Variants in MED16 observed in about 807,000 individuals in gnomAD.
MED16 encodes the protein mediator complex subunit 16.
A neutral mutation model predicts 84.4 loss-of-function variants in MED16; 81 were observed. The observed-to-expected ratio is 0.96, with a 90% CI of 0.80 to 1.15. The LOEUF (loss-of-function observed/expected upper bound fraction) is 1.15, where lower values mean the gene tolerates loss of function less well. Ranked by LOEUF, MED16 falls within the 50% of genes most tolerant of loss-of-function variation. The pLI is 0.00. For synonymous variants in MED16, 897 were observed against 552.2 expected (o/e 1.62, Z -8.76); for missense variants, 1,585 against 1,245.9 (o/e 1.27, Z -4.10).
intron 8 of MED16, 35 bp from the exon 9 acceptor site, chr19:877,215 G>GATGGGGCTGCGCCCTCAGCCGGGAGAGGA (rs2036269494): frequency 1.3e-6 from 2 of 1,577,650 alleles, no homozygotes; most frequent in Non-Finnish European, 1.7e-6. Context: ...AGCCCGGTGA[G>GATGGGGCTGCGCCCTCAGCCGGGAGAGGA]ATGGGGCTGC....
In MED16 at chr19:874,743, C is replaced by T. The variant is rs141295603; in HGVS notation, c.1771+501G>A. Among the ~76,000 whole-genome samples, 706 of 152,092 alleles carry T rather than the reference C, an allele frequency of 4.6e-3. 8 individuals are homozygous for T. The highest frequency in any genetic ancestry group is 0.015 in the African/African-American group (606 of 41,476). On this transcript the variant is annotated intron_variant, in intron 10 of 15. Transcript: ENST00000325464. Reference sequence around the variant, plus strand: ...AAATTAAAAACCGGGTGTGGTGGCACGTGTCTGTAATCCCAGCTACTCCAG... The same window carrying T: ...AAATTAAAAACCGGGTGTGGTGGCATGTGTCTGTAATCCCAGCTACTCCAG...
intron 13 of MED16, 114 bp downstream of exon 13, chr19:870,922 CG>C: frequency 2.1e-6 from 2 of 948,884 alleles, no homozygotes; most frequent in Non-Finnish European, 2.9e-6. Flanking sequence ...CGTGTGGATT[CG>C]GGGGGACCTG....
chr19:891,118 C>T lies in MED16; in HGVS notation c.14G>A (p.Arg5Gln), dbSNP rs1424491141. The change falls in exon 2 of 16, where the codon CGG becomes CAG. Residue 5 changes from arginine to glutamine, a missense_variant. By Grantham distance (43) the Arg-to-Gln change is conservative. Coordinates refer to ENST00000325464, the MANE Select transcript of MED16 (RefSeq NM_005481.3). MCDL[R>Q]RPAAGGMMDL... is the part of the protein sequence containing the mutation. ...CATCATCCCACCTGCCGCTGGCCGC[C>T]GCAAATCACACATGAGGGCAGTCAC... The T allele has an allele frequency of 6.2e-6, 10 of 1,613,182 alleles. No homozygotes were observed. Among genetic ancestry groups the T allele is most frequent in the South Asian group, 3.3e-5 (3 of 90,940 alleles).
In MED16 at chr19:877,354, A is replaced by G. The variant is rs1260434233; in HGVS notation, c.1354-174T>C. Among the ~76,000 whole-genome samples the G allele has an allele frequency of 1.3e-5, 2 of 152,138 alleles. 1 individual carries two copies. The highest frequency in any genetic ancestry group is 2.9e-5 in the Non-Finnish European group (2 of 67,994). The stretch of plus-strand genomic sequence containing the variant: ...GCGTCTGTACCTTTCTGTCAGGGTC[A>G]TGCACAATGCCTCTGGGAACAGGGA... On this transcript the variant is annotated intron_variant, in intron 8 of 15. Coordinates refer to ENST00000325464, the MANE Select transcript of MED16 (RefSeq NM_005481.3).
At chr19:873,373 A>C (rs1599321321) in intron 11 of MED16, 76 bp downstream of exon 11, 4 of 1,298,218 alleles carry the variant, frequency 3.1e-6, no homozygotes, top group Admixed American at 2.4e-5. Context: ...TTTGAGGGGC[A>C]GGGGCAGGGA....
rs1379798646 is a variant in MED16 at position 871,112 on chromosome 19, G to A, written c.2240C>T (p.Pro747Leu). Residue 747 changes from proline to leucine, a missense_variant, in exon 13 of 16, where the codon CCC becomes CTC. By Grantham distance (98) the Pro-to-Leu change is moderately conservative (BLOSUM62 -3). Transcript: ENST00000325464. ...GLVSRLQPKQ[P>L]LRLQFGRAPT... ...CGCCCGGCCAAACTGCAGACGAAGGGGCTGCTTGGGCTGCAGGCGGCTAAC... is the reference window on the plus strand; with the variant it reads ...CGCCCGGCCAAACTGCAGACGAAGGAGCTGCTTGGGCTGCAGGCGGCTAAC... 17 of 1,548,716 alleles carry A rather than the reference G, an allele frequency of 1.1e-5. 1 individual carries two copies. Among genetic ancestry groups the A allele is most frequent in the East Asian group, 2.4e-5 (1 of 40,876 alleles).
At chr19:869,673 T>TC (rs1404092321) in intron 13 of MED16, among the ~76,000 whole-genome samples, 5 of 152,040 alleles carry the variant, frequency 3.3e-5, no homozygotes, top group Admixed American at 1.3e-4. Context: ...GGGGGTGCCT[T>TC]CCCTGGAGGT....
At chr19:883,126 C>A (rs1474987653) in intron 6 of MED16, among the ~76,000 whole-genome samples, 1 of 152,200 alleles carries the variant, frequency 6.6e-6, no homozygotes, top group South Asian at 2.1e-4. Context: ...CTGACGGCTG[C>A]GGTCAGCATT....
At chr19:879,385 T>G (rs1383984049) in intron 8 of MED16, among the ~76,000 whole-genome samples, 111 of 95,122 alleles carry the variant, frequency 1.2e-3, no homozygotes, top group African/African-American at 4.4e-3. Context: ...CAGCCGCACA[T>G]GCCCCAGCAG....
chr19:873,763 C>T (rs2036159484), intron 10 of MED16, among the ~76,000 whole-genome samples, 181 bp from the exon 11 acceptor site: 1 of 151,966 alleles, frequency 6.6e-6, no homozygotes, highest in African/African-American at 2.4e-5. Flanking sequence ...TGGGAGCCCA[C>T]TGCCTGCCCC....
At chr19:879,084 G>A (rs1352799513) in intron 8 of MED16, among the ~76,000 whole-genome samples, 7 of 9,540 alleles carry the variant, frequency 7.3e-4, no homozygotes, top group African/African-American at 9.3e-4. Context: ...CCAGCCCCAC[G>A]TGCCCCAGCA....
chr19:883,339 G>A (rs527729710), intron 6 of MED16, among the ~76,000 whole-genome samples: 4 of 142,282 alleles, frequency 2.8e-5, no homozygotes, highest in South Asian at 2.4e-4. Flanking sequence ...TGGGCATGGC[G>A]GGGACCGAAG....
At chr19:889,549 G>A in intron 4 of MED16, 89 bp downstream of exon 4, 1 of 1,477,414 alleles carries the variant, frequency 6.8e-7, no homozygotes, top group Non-Finnish European at 9.1e-7. Context: ...ACCAGGGGAT[G>A]CTGGTGATGG....
chr19:870,067 G>A (rs1351848325), intron 13 of MED16, among the ~76,000 whole-genome samples: 1 of 152,068 alleles, frequency 6.6e-6, no homozygotes, highest in African/African-American at 2.4e-5. Context: ...CCAGCCCCGG[G>A]CCCTGCAAGG....
chr19:873,312 C>CGGGGCTGAGGT, intron 11 of MED16, 137 bp downstream of exon 11: 2 of 535,864 alleles, frequency 3.7e-6, no homozygotes, highest in Non-Finnish European at 2.9e-6. Flanking sequence ...CAAGTAGGGG[C>CGGGGCTGAGGT]GGGACTCCAA....
chr19:880,018 G>A lies in MED16; in HGVS notation c.1272C>T (p.Thr424=), dbSNP rs201640890. ...CCTTTAAGTGGACGGCGGGGCCCGC[G>A]GTGCGGGGGCGCTTCATGGCCGGCT... The part of the protein sequence containing the change: ...VDEPAMKRPR[T]AGPAVHLKAM... Residue 424 remains threonine (T), a synonymous_variant, in exon 8 of 16, where the codon ACC becomes ACT. Coordinates refer to ENST00000325464, the MANE Select transcript of MED16 (RefSeq NM_005481.3). 3.2e-5 allele frequency: 52 copies of A among 1,610,262 alleles called. No individual in the cohort carries two copies. Among genetic ancestry groups the A allele is most frequent in the Middle Eastern group, 1.7e-4 (1 of 5,974 alleles).
chr19:872,168 G>A lies in MED16; in HGVS notation c.1906-50C>T, dbSNP rs201006271. 316 of 1,522,678 alleles carry A rather than the reference G, an allele frequency of 2.1e-4. 1 individual carries two copies. The East Asian group carries it at 4.2e-3, about 20-fold the overall frequency. The allele number at this position is 1,522,678 out of a possible 1,614,324, so 94.3% of individuals were successfully genotyped here. On this transcript the variant is annotated intron_variant, in intron 11 of 15. Transcript: ENST00000325464. The stretch of plus-strand genomic sequence containing the variant: ...GCTGGGGCGGCGGGGGGCAGATGGC[G>A]ATGGGATGAAGTGTCTTGGGGTCGG...
At chr19:878,246 A>G (rs1165843557) in intron 8 of MED16, among the ~76,000 whole-genome samples, 14 of 53,178 alleles carry the variant, frequency 2.6e-4, no homozygotes, top group East Asian at 9.3e-4. Flanking sequence ...CCCCAGCCCC[A>G]GCCCCAGCCC....
At chr19:891,286 G>C (rs1445922658) in intron 1 of MED16, 137 bp from the exon 2 acceptor site, 1 of 847,416 alleles carries the variant, frequency 1.2e-6, no homozygotes, top group Non-Finnish European at 1.8e-6. Flanking sequence ...AGGCCAGACA[G>C]AGCCTGGGGC....
Sources: gnomAD v4.1 joint callset for allele counts (sites outside exome capture counted in the v4.1 genomes callset) on GRCh38, gnomAD v4.1.1 for gene constraint, MANE v1.5 for transcripts, NCBI Gene and HGNC (gene_info 2026-07-23, HGNC 2026-07-21) for gene names.